The following RAP1B variants were observed in gnomAD, a reference collection of about 807,000 sequenced individuals.
RAP1B encodes RAP1B, member of RAS oncogene family.
Under a neutral mutation model 27.5 loss-of-function variants are expected in RAP1B, and 1 was observed. The ratio of observed to expected loss-of-function variants is 0.04; its 90% CI spans 0.01 to 0.17. The LOEUF (loss-of-function observed/expected upper bound fraction) is 0.17, where lower values mean the gene tolerates loss of function less well. Ranked by LOEUF, RAP1B falls within the 10% of genes least tolerant of loss-of-function variation. The pLI, the probability that RAP1B is intolerant of heterozygous loss-of-function variation, is 1.00. For synonymous variants in RAP1B, 75 were observed against 73.1 expected, an observed-to-expected ratio of 1.03 and a Z score of -0.13; for missense variants, 84 against 214.8, an observed-to-expected ratio of 0.39 and a Z score of 3.81.
intron 1 of RAP1B, among the ~76,000 whole-genome samples, chr12:68,612,731 CTT>C (rs1870693936): frequency 6.6e-6 from 1 of 152,256 alleles, no homozygotes; most frequent in Admixed American, 6.5e-5. Context: ...GATTAAATAA[CTT>C]TAAGCACACA....
At chr12:68,656,878 C>T (rs1409876018) in intron 6 of RAP1B, among the ~76,000 whole-genome samples, 1 of 152,146 alleles carries the variant, frequency 6.6e-6, no homozygotes, top group East Asian at 1.9e-4. Flanking sequence ...AAGTTAAGAT[C>T]TCTGCAGCTC....
Position 68,660,394 on chromosome 12 carries a change from C to T in RAP1B, c.*1145C>T, listed in dbSNP as rs1243160364. The T allele has an allele frequency of 6.6e-6, 1 of 151,488 alleles. No individual in the cohort carries two copies. The highest frequency in any genetic ancestry group is 1.5e-5 in the Non-Finnish European group (1 of 67,800). The allele number at this position is 151,488 out of a possible 1,614,324, so 9.4% of individuals were successfully genotyped here. A position where few individuals can be genotyped will look rare whatever the true frequency, so the allele number is the denominator to read the frequency against. On this transcript the variant is annotated 3_prime_UTR_variant, in exon 8 of 8. Transcript: ENST00000250559. ...AGCCACAGTATTTAAATTGACCAAC[C>T]TAATGTTACAACTACTTTGAGGTGG...
intron 1 of RAP1B, chr12:68,624,428 A>G (rs1259230919): frequency 1.3e-5 from 2 of 152,194 alleles, no homozygotes; most frequent in Non-Finnish European, 1.5e-5. Flanking sequence ...TATTTGATAC[A>G]TTTAATTGTA....
At chr12:68,644,199 A>G (rs1193810360) in intron 1 of RAP1B, among the ~76,000 whole-genome samples, 3 of 152,190 alleles carry the variant, frequency 2.0e-5, no homozygotes, top group Non-Finnish European at 4.4e-5. Flanking sequence ...ATCTCTGAAC[A>G]TTTTTAAATG....
At chr12:68,645,753 AG>A (rs919658732) in intron 1 of RAP1B, among the ~76,000 whole-genome samples, 37 of 152,362 alleles carry the variant, frequency 2.4e-4, no homozygotes, top group African/African-American at 8.7e-4. Flanking sequence ...TCTGTTTTTC[AG>A]TCTTTTCAAG....
intron 1 of RAP1B, among the ~76,000 whole-genome samples, chr12:68,625,279 A>C (rs961170204): frequency 7.2e-5 from 11 of 152,336 alleles, no homozygotes; most frequent in Middle Eastern, 3.4e-3. Context: ...TGGAATATTA[A>C]ATGGATCTTT....
intron 1 of RAP1B, among the ~76,000 whole-genome samples, chr12:68,632,470 C>A (rs1049894966): frequency 1.3e-5 from 2 of 151,994 alleles, no homozygotes; most frequent in African/African-American, 4.8e-5. Context: ...AGCAAAATTA[C>A]TTGTGCCTTT....
Position 68,663,186 on chromosome 12 carries a change from C to T in RAP1B, c.*3937C>T, listed in dbSNP as rs1279929409. 2.0e-5 allele frequency: 3 copies of T among 152,072 alleles called. No homozygotes were observed. The highest frequency in any genetic ancestry group is 6.6e-5 in the Admixed American group (1 of 15,246). 9.4% of individuals were successfully genotyped at this position (152,072 alleles called of 1,614,324 possible). A position where few individuals can be genotyped will look rare whatever the true frequency, so the allele number is the denominator to read the frequency against. Reference sequence around the variant, plus strand: ...TCAAGCAATTCTTCTGCCTCAGCCTCCTGAATAGCTGGGATTACAAGCATG... The same window carrying T: ...TCAAGCAATTCTTCTGCCTCAGCCTTCTGAATAGCTGGGATTACAAGCATG... On this transcript the variant is annotated 3_prime_UTR_variant, in exon 8 of 8. Coordinates refer to ENST00000250559, the MANE Select transcript of RAP1B (RefSeq NM_001010942.3).
Position 68,668,453 on chromosome 12 carries a change from A to G in RAP1B, c.*9204A>G, listed in dbSNP as rs987340015. The G allele has an allele frequency of 1.3e-5, 2 of 152,248 alleles. No individual in the cohort carries two copies. The highest frequency in any genetic ancestry group is 2.9e-5 in the Non-Finnish European group (2 of 68,038). The allele number at this position is 152,248 out of a possible 1,614,324, so 9.4% of individuals were successfully genotyped here. ...ACTGCTTTATCTCACTTTGAAAAAG[A>G]AAAGTTACAAATTCTAGTAAGCAAA... On this transcript the variant is annotated 3_prime_UTR_variant, in exon 8 of 8. Transcript: ENST00000250559.
chr12:68,624,313 T>A (rs889685164), intron 1 of RAP1B, among the ~76,000 whole-genome samples: 3 of 152,206 alleles, frequency 2.0e-5, no homozygotes, highest in Non-Finnish European at 4.4e-5. Context: ...AACATTTTTT[T>A]AAATGTTTAA....
At chr12:68,651,058 C>G (rs995385724) in intron 3 of RAP1B, among the ~76,000 whole-genome samples, 1 of 152,152 alleles carries the variant, frequency 6.6e-6, no homozygotes, top group African/African-American at 2.4e-5. Flanking sequence ...ATGCATGATA[C>G]AAAGTTTTGG....
chr12:68,619,933 C>T lies in RAP1B; in HGVS notation c.-27+8890C>T, dbSNP rs192921845. 4.7e-3 allele frequency among the ~76,000 whole-genome samples: 720 copies of T among 152,260 alleles called. 5 individuals are homozygous for T. The highest frequency in any genetic ancestry group is 0.02 in the Middle Eastern group (6 of 294). ...TATTTGTTTTGTATACCTGACTGCT[C>T]ATCTATAGACAGAATTCCCTTGTGT... is the stretch of plus-strand genomic sequence containing the variant. On this transcript the variant is annotated intron_variant, in intron 1 of 7. Transcript: ENST00000250559.
intron 1 of RAP1B, among the ~76,000 whole-genome samples, chr12:68,632,129 G>GTTTTTTTTTGTTTTTT (rs1872288247): frequency 1.5e-4 from 16 of 104,400 alleles, no homozygotes; most frequent in African/African-American, 6.9e-4. Flanking sequence ...TTTTGGATTT[G>GTTTTTTTTTGTTTTTT]TTTTTTTTTT....
chr12:68,654,917 T>C (rs1231200629), intron 5 of RAP1B, among the ~76,000 whole-genome samples: 1 of 152,192 alleles, frequency 6.6e-6, no homozygotes, highest in Non-Finnish European at 1.5e-5. Flanking sequence ...ATTGCTGGGC[T>C]GAGATCTCAG....
chr12:68,656,970 C>T (rs1212379582), intron 6 of RAP1B, 131 bp from the exon 7 acceptor site: 1 of 781,964 alleles, frequency 1.3e-6, no homozygotes, highest in African/African-American at 1.8e-5. Flanking sequence ...TGATTTTATT[C>T]TCATTCCTTA....
At chr12:68,650,972 G>T (rs913374313) in intron 3 of RAP1B, 1 of 152,124 alleles carries the variant, frequency 6.6e-6, no homozygotes, top group African/African-American at 2.4e-5. Context: ...AAATAGAATG[G>T]GACCCACATC....
Position 68,669,133 on chromosome 12 carries a change from T to G in RAP1B, c.*9884T>G, listed in dbSNP as rs1426645580. Reference sequence around the variant, plus strand: ...GATAAGCATGCCAAAAATCAATAGCTTTTCTTTATATTTATAAAAAATACC... The same window carrying G: ...GATAAGCATGCCAAAAATCAATAGCGTTTCTTTATATTTATAAAAAATACC... On this transcript the variant is annotated 3_prime_UTR_variant, in exon 8 of 8. Transcript: ENST00000250559. 6.6e-6 allele frequency: 1 copy of G among 151,990 alleles called. No individual in the cohort carries two copies. The highest frequency in any genetic ancestry group is 1.5e-5 in the Non-Finnish European group (1 of 68,038). The allele number at this position is 151,990 out of a possible 1,614,324, so 9.4% of individuals were successfully genotyped here. A position where few individuals can be genotyped will look rare whatever the true frequency, so the allele number is the denominator to read the frequency against.
chr12:68,651,838 A>G (rs964155569), intron 3 of RAP1B, 157 bp from the exon 4 acceptor site: 7 of 564,538 alleles, frequency 1.2e-5, no homozygotes, highest in Non-Finnish European at 1.9e-5. Context: ...TTACTTAGCT[A>G]TTTTTCCTCC....
At position 68,661,380 on chromosome 12, in the gene RAP1B, C is replaced by CACA. The variant is rs1402058210; in HGVS notation, c.*2131_*2132insACA. The CACA allele has an allele frequency of 6.6e-6, 1 of 152,078 alleles. No homozygotes were observed. The highest frequency in any genetic ancestry group is 1.5e-5 in the Non-Finnish European group (1 of 68,018). 9.4% of individuals were successfully genotyped at this position (152,078 alleles called of 1,614,324 possible). A position where few individuals can be genotyped will look rare whatever the true frequency, so the allele number is the denominator to read the frequency against. On this transcript the variant is annotated 3_prime_UTR_variant, in exon 8 of 8. Coordinates refer to ENST00000250559, the MANE Select transcript of RAP1B (RefSeq NM_001010942.3). ...ATGTTTGCTGCCTACCAGCTATGTA[C>CACA]CAGGCCCAGTTCTAGGCTCAAACAG...
Sources: allele counts gnomAD v4.1 joint callset (sites outside exome capture counted in the v4.1 genomes callset), GRCh38; gene constraint gnomAD v4.1.1; transcripts MANE v1.5; gene names NCBI Gene and HGNC (gene_info 2026-07-23, HGNC 2026-07-21).